Variants in KYNU observed in about 807,000 individuals in gnomAD.
The protein encoded by KYNU is kynureninase.
Under a neutral mutation model 59.2 loss-of-function variants are expected in KYNU, and 54 were observed. That is an observed-to-expected ratio of 0.91 (90% CI 0.73 to 1.14). KYNU has a LOEUF of 1.14. KYNU is among the 50% of genes most tolerant of loss of function. The pLI is 0.00. For missense variants in KYNU, 567 were observed against 554.4 expected (o/e 1.02, Z -0.23); for synonymous variants, 177 against 192.0 (o/e 0.92, Z 0.65).
chr2:142,935,057 G>C (rs536078509), intron 4 of KYNU, among the ~76,000 whole-genome samples: 1 of 152,180 alleles, frequency 6.6e-6, no homozygotes, highest in African/African-American at 2.4e-5. Context: ...TCCTCATCAC[G>C]ATTGTTAAAG....
chr2:142,939,925 G>A (rs766807539), intron 4 of KYNU, among the ~76,000 whole-genome samples: 3 of 152,150 alleles, frequency 2.0e-5, no homozygotes, highest in African/African-American at 4.8e-5. Context: ...GCTTAGGTCT[G>A]GAACCCAGGG....
In KYNU at chr2:142,985,116, A is replaced by G. The variant is rs1366756137; in HGVS notation, c.762A>G (p.Ala254=). 6.2e-7 allele frequency: 1 copy of G among 1,611,266 alleles called. No homozygotes were observed. The highest frequency in any genetic ancestry group is 8.5e-7 in the Non-Finnish European group (1 of 1,177,862). Residue 254 remains alanine (A), a synonymous_variant, in exon 9 of 14, where the codon GCA becomes GCG. Coordinates refer to ENST00000264170, the MANE Select transcript of KYNU (RefSeq NM_003937.3). ...GCYVGFDLAH[A]VGNVELYLHD... ...ATGTTGGCTTTGATCTAGCACATGC[A>G]GTTGGAAATGTTGAACTCTACTTAC...
At chr2:142,923,807 T>A (rs1682964033) in intron 3 of KYNU, among the ~76,000 whole-genome samples, 1 of 152,222 alleles carries the variant, frequency 6.6e-6, no homozygotes, top group African/African-American at 2.4e-5. Flanking sequence ...CTACAGGGAT[T>A]CTTCTAAGAA....
chr2:142,933,112 G>A lies in KYNU; in HGVS notation c.373+5371G>A, dbSNP rs148486229. Among the ~76,000 whole-genome samples, 809 of 152,278 alleles carry A rather than the reference G, an allele frequency of 5.3e-3. 11 individuals are homozygous for A. Among genetic ancestry groups the A allele is most frequent in the African/African-American group, 0.019 (771 of 41,534 alleles). ...TTGAATAAACTGTTAGGTTGGCATGGAGAGATAGTTTTAGGCTTTTAAGGG... is the reference window on the plus strand; with the variant it reads ...TTGAATAAACTGTTAGGTTGGCATGAAGAGATAGTTTTAGGCTTTTAAGGG... On this transcript the variant is annotated intron_variant, in intron 4 of 13. Coordinates refer to ENST00000264170, the MANE Select transcript of KYNU (RefSeq NM_003937.3).
chr2:143,028,340 G>A (rs1686639049), intron 10 of KYNU, among the ~76,000 whole-genome samples: 1 of 143,944 alleles, frequency 6.9e-6, no homozygotes, highest in Non-Finnish European at 1.5e-5. Context: ...CCCCCTCTGG[G>A]TTCAAGCGAT....
At chr2:142,954,902 C>G in intron 5 of KYNU, 31 bp downstream of exon 5, 1 of 1,301,706 alleles carries the variant, frequency 7.7e-7, no homozygotes, top group Non-Finnish European at 1.1e-6. Flanking sequence ...ATGTTTAGAA[C>G]ACATTCATTT....
intron 8 of KYNU, among the ~76,000 whole-genome samples, chr2:142,977,372 G>GAGTTATATATATATATATATATATAT (rs1553484697): frequency 1.5e-5 from 2 of 131,152 alleles, no homozygotes; most frequent in African/African-American, 5.8e-5. Context: ...ATTTTGTGTG[G>GAGTTATATATATATATATATATATAT]ATATATATAT....
At chr2:142,925,800 G>C (rs920676065) in intron 3 of KYNU, among the ~76,000 whole-genome samples, 1 of 151,956 alleles carries the variant, frequency 6.6e-6, no homozygotes, top group African/African-American at 2.4e-5. Flanking sequence ...CCCTTTTAGG[G>C]AGTACCAGCC....
intron 2 of KYNU, among the ~76,000 whole-genome samples, chr2:142,915,198 C>G (rs1302842705): frequency 6.6e-6 from 1 of 152,156 alleles, no homozygotes; most frequent in Non-Finnish European, 1.5e-5. Context: ...CGTGAGACAT[C>G]AGCTTAAGTA....
chr2:142,952,959 G>A (rs1369454160), intron 4 of KYNU, among the ~76,000 whole-genome samples: 2 of 151,816 alleles, frequency 1.3e-5, no homozygotes, highest in Non-Finnish European at 2.9e-5. Context: ...AAATAGATGT[G>A]TGCAAATAAC....
At chr2:142,912,387 T>TTTTTTTTTTTC (rs1558917019) in intron 2 of KYNU, among the ~76,000 whole-genome samples, 1 of 139,300 alleles carries the variant, frequency 7.2e-6, no homozygotes, top group African/African-American at 2.7e-5. Context: ...TTTTTTTTTT[T>TTTTTTTTTTTC]TTTTTTTTTG....
intron 2 of KYNU, among the ~76,000 whole-genome samples, chr2:142,908,320 C>T (rs1306298142): frequency 1.3e-5 from 2 of 151,918 alleles, no homozygotes; most frequent in African/African-American, 4.8e-5. Flanking sequence ...TTAATTAAAT[C>T]TTAAATTACA....
intron 4 of KYNU, among the ~76,000 whole-genome samples, chr2:142,932,972 G>A (rs541265713): frequency 2.6e-5 from 4 of 152,262 alleles, no homozygotes; most frequent in East Asian, 3.9e-4. Flanking sequence ...GATGGGAGCT[G>A]GTTAGCATAG....
chr2:142,891,561 T>C (rs1205089774), intron 2 of KYNU, among the ~76,000 whole-genome samples: 2 of 152,208 alleles, frequency 1.3e-5, no homozygotes, highest in Non-Finnish European at 2.9e-5. Flanking sequence ...ATTTTGCACA[T>C]GTAATTGTTT....
At chr2:142,985,826 T>C (rs1250358170) in intron 9 of KYNU, 122 bp from the exon 10 acceptor site, 2 of 670,384 alleles carry the variant, frequency 3.0e-6, no homozygotes, top group African/African-American at 1.8e-5. Flanking sequence ...AATACACAAA[T>C]AATCACACAT....
At position 143,050,276 on chromosome 2, in the gene KYNU, G is replaced by C. The variant is rs964543416; in HGVS notation, c.*8104G>C. The C allele has an allele frequency of 1.3e-5, 2 of 151,894 alleles. No individual in the cohort carries two copies. The highest frequency in any genetic ancestry group is 2.9e-5 in the Non-Finnish European group (2 of 67,990). The allele number at this position is 151,894 out of a possible 1,614,324, so 9.4% of individuals were successfully genotyped here. On this transcript the variant is annotated 3_prime_UTR_variant, in exon 14 of 14. Coordinates refer to ENST00000264170, the MANE Select transcript of KYNU (RefSeq NM_003937.3). ...GCCATGGTGGTTTGCTGCACCTATT[G>C]ACCCGTCCTCTAAGTTCCCTCCCCT... is the stretch of plus-strand genomic sequence containing the variant.
At chr2:142,918,177 T>G (rs1682731529) in intron 2 of KYNU, among the ~76,000 whole-genome samples, 1 of 152,212 alleles carries the variant, frequency 6.6e-6, no homozygotes, top group Non-Finnish European at 1.5e-5. Context: ...AATAATTATT[T>G]GCATTTTTTA....
At position 143,019,916 on chromosome 2, in the gene KYNU, A is replaced by G. The variant is rs1295674965; in HGVS notation, c.903-9711A>G. ...TCTTCTAGGTTTTTCAACTTGTTGCATATAGCTGTTTATATAGTCTGTAAT... is the reference window on the plus strand; with the variant it reads ...TCTTCTAGGTTTTTCAACTTGTTGCGTATAGCTGTTTATATAGTCTGTAAT... On this transcript the variant is annotated intron_variant, in intron 10 of 13. Transcript: ENST00000264170. Among the ~76,000 whole-genome samples, 3 of 151,954 alleles carry G rather than the reference A, an allele frequency of 2.0e-5. No homozygotes were observed. The East Asian group carries it at 5.8e-4, about 29-fold the overall frequency.
At chr2:142,979,631 A>G (rs1470598241) in intron 8 of KYNU, among the ~76,000 whole-genome samples, 1 of 152,034 alleles carries the variant, frequency 6.6e-6, no homozygotes, top group Non-Finnish European at 1.5e-5. Context: ...AAGGGGCACT[A>G]ACAGATCATA....
Sources: gnomAD v4.1 joint callset for allele counts (sites outside exome capture counted in the v4.1 genomes callset) on GRCh38, gnomAD v4.1.1 for gene constraint, MANE v1.5 for transcripts, NCBI Gene and HGNC (gene_info 2026-07-23, HGNC 2026-07-21) for gene names.